TSPAN9: variants seen among roughly 807,000 people sequenced by gnomAD.
TSPAN9 encodes tetraspanin 9, also known as tetraspanin-9.
A neutral mutation model predicts 31.0 loss-of-function variants in TSPAN9; 16 were observed. That is an observed-to-expected ratio of 0.52 (90% CI 0.35 to 0.78). The LOEUF (loss-of-function observed/expected upper bound fraction) is 0.78. TSPAN9 is among the 30% of genes least tolerant of loss of function. TSPAN9 has a pLI of 0.01. For synonymous variants in TSPAN9, 145 were observed against 121.6 expected, an observed-to-expected ratio of 1.19 and a Z score of -1.27; for missense variants, 272 against 312.5, an observed-to-expected ratio of 0.87 and a Z score of 0.98.
chr12:3,150,402 C>T (rs539539235), intron 2 of TSPAN9, among the ~76,000 whole-genome samples: 17 of 152,242 alleles, frequency 1.1e-4, no homozygotes, highest in Admixed American at 1.0e-3. Context: ...TGTCATAAAA[C>T]CCCTAAATGG....
At chr12:3,189,234 A>G (rs1192198308) in intron 2 of TSPAN9, among the ~76,000 whole-genome samples, 2 of 152,010 alleles carry the variant, frequency 1.3e-5, no homozygotes, top group Non-Finnish European at 2.9e-5. Flanking sequence ...TCGGAGGTGG[A>G]GGGCAGGTGC....
intron 2 of TSPAN9, among the ~76,000 whole-genome samples, chr12:3,180,293 G>C (rs1423437492): frequency 1.3e-5 from 2 of 152,160 alleles, no homozygotes; most frequent in African/African-American, 4.8e-5. Flanking sequence ...AAGGTGGGAA[G>C]GTTGCTTGAG....
chr12:3,079,526 ATC>A (rs2098296762), intron 1 of TSPAN9, among the ~76,000 whole-genome samples: 1 of 151,858 alleles, frequency 6.6e-6, no homozygotes, highest in Admixed American at 6.6e-5. Context: ...CGATGGCACT[ATC>A]TCGGCTCACT....
chr12:3,261,521 G>A (rs528040493), intron 3 of TSPAN9, among the ~76,000 whole-genome samples: 1 of 152,280 alleles, frequency 6.6e-6, no homozygotes, highest in Admixed American at 6.5e-5. Context: ...AGAATAGATG[G>A]AGAACTGCGT....
At chr12:3,120,256 G>C (rs2098324466) in intron 2 of TSPAN9, among the ~76,000 whole-genome samples, 1 of 152,158 alleles carries the variant, frequency 6.6e-6, no homozygotes, top group South Asian at 2.1e-4. Context: ...GTTCGAACAG[G>C]ATCTTGGGGG....
intron 3 of TSPAN9, among the ~76,000 whole-genome samples, chr12:3,262,890 C>T (rs535571912): frequency 1.5e-4 from 23 of 152,312 alleles, no homozygotes; most frequent in African/African-American, 5.5e-4. Flanking sequence ...AAATTGGCAT[C>T]AGACCTCGAT....
At chr12:3,130,784 C>T (rs1441550827) in intron 2 of TSPAN9, among the ~76,000 whole-genome samples, 1 of 152,176 alleles carries the variant, frequency 6.6e-6, no homozygotes, top group Non-Finnish European at 1.5e-5. Flanking sequence ...TGAGTTACTT[C>T]TATTTTTACC....
intron 3 of TSPAN9, among the ~76,000 whole-genome samples, chr12:3,204,530 G>A (rs2098373939): frequency 1.3e-5 from 2 of 152,144 alleles, no homozygotes; most frequent in Admixed American, 1.3e-4. Context: ...GGGGGTCCAG[G>A]TCTGCTCCTG....
intron 3 of TSPAN9, among the ~76,000 whole-genome samples, chr12:3,264,335 C>G (rs950479786): frequency 1.3e-5 from 2 of 152,192 alleles, no homozygotes. Flanking sequence ...CCCGCCAGCC[C>G]GCCTCAACCC....
At chr12:3,088,621 A>G (rs1565570898) in intron 2 of TSPAN9, among the ~76,000 whole-genome samples, 1 of 152,196 alleles carries the variant, frequency 6.6e-6, no homozygotes, top group Admixed American at 6.5e-5. Context: ...TCGTGCCCGC[A>G]GTGCAGGGAG....
chr12:3,247,712 C>G (rs748586758), intron 3 of TSPAN9, among the ~76,000 whole-genome samples: 2 of 152,212 alleles, frequency 1.3e-5, no homozygotes, highest in Non-Finnish European at 1.5e-5. Flanking sequence ...TCAGCCTCCT[C>G]CATGCTGGTG....
intron 2 of TSPAN9, among the ~76,000 whole-genome samples, chr12:3,195,098 G>A (rs1301120218): frequency 6.6e-6 from 1 of 152,210 alleles, no homozygotes; most frequent in Non-Finnish European, 1.5e-5. Flanking sequence ...CTGGCTTTGT[G>A]GGAGGCTGCC....
intron 3 of TSPAN9, among the ~76,000 whole-genome samples, chr12:3,274,959 G>A (rs949310665): frequency 4.6e-5 from 7 of 152,246 alleles, no homozygotes; most frequent in African/African-American, 7.2e-5. Flanking sequence ...AGGGTAGGCC[G>A]CAGATCTTTC....
chr12:3,112,704 A>AGT (rs2098319754), intron 2 of TSPAN9, among the ~76,000 whole-genome samples: 1 of 118,652 alleles, frequency 8.4e-6, no homozygotes, highest in South Asian at 2.8e-4. Flanking sequence ...TTGGAGACAG[A>AGT]GTCTCACTCT....
chr12:3,249,916 C>A (rs963579236), intron 3 of TSPAN9, among the ~76,000 whole-genome samples: 1 of 152,160 alleles, frequency 6.6e-6, no homozygotes, highest in Admixed American at 6.5e-5. Context: ...TCACCATGCA[C>A]AAGGGCAGTG....
chr12:3,147,678 A>G lies in TSPAN9; in HGVS notation c.-17-53499A>G, dbSNP rs1239476157. On this transcript the variant is annotated intron_variant, in intron 2 of 8. Coordinates refer to ENST00000011898, the MANE Select transcript of TSPAN9 (RefSeq NM_006675.5). The surrounding 1 kb of genome is among the most constrained non-coding windows in gnomAD (Gnocchi z 4.3). ...TGAAAATGGGACTGAAAATGCCCCA[A>G]GGAGCTGGATTTTAAATTTTATTCA... Among the ~76,000 whole-genome samples, 1 of 152,230 alleles carries G rather than the reference A, an allele frequency of 6.6e-6. No homozygotes were observed. Among genetic ancestry groups the G allele is most frequent in the Non-Finnish European group, 1.5e-5 (1 of 68,046 alleles).
chr12:3,140,986 T>C (rs36077100), intron 2 of TSPAN9, among the ~76,000 whole-genome samples: 72,737 of 147,950 alleles, frequency 0.49, 18,107 homozygotes, highest in Middle Eastern at 0.57. Context: ...GGGGAAGGGC[T>C]GTGGGAAGTG....
intron 2 of TSPAN9, chr12:3,171,676 A>C (rs1345914059): frequency 6.6e-6 from 1 of 152,176 alleles, no homozygotes; most frequent in Non-Finnish European, 1.5e-5. Context: ...TTTACTGCCA[A>C]ATTTCTTGAT....
intron 2 of TSPAN9, among the ~76,000 whole-genome samples, chr12:3,117,187 G>T (rs2098322827): frequency 1.3e-5 from 2 of 152,274 alleles, no homozygotes; most frequent in Admixed American, 1.3e-4. Flanking sequence ...TGCACAGACG[G>T]TTCCTCGTCA....
Sources: gnomAD v4.1 joint callset for allele counts (sites outside exome capture counted in the v4.1 genomes callset) on GRCh38, gnomAD v4.1.1 for gene constraint, Gnocchi (gnomAD v3.1) non-coding constraint, MANE v1.5 for transcripts, NCBI Gene and HGNC (gene_info 2026-07-23, HGNC 2026-07-21) for gene names.